The following SMO variants were observed in gnomAD, a reference collection of about 807,000 sequenced individuals.
SMO encodes smoothened, frizzled class receptor, also known as protein smoothened.
A neutral mutation model predicts 81.6 loss-of-function variants in SMO; 40 were observed. The ratio of observed to expected loss-of-function variants is 0.49; its 90% CI spans 0.38 to 0.64. SMO has a LOEUF of 0.64. SMO is among the 30% of genes least tolerant of loss of function. The probability of loss-of-function intolerance (pLI) is 0.00; values close to 1 mark genes in which losing one functional copy is unlikely to be tolerated. For synonymous variants in SMO, 434 were observed against 432.1 expected, an observed-to-expected ratio of 1.00 and a Z score of -0.05; for missense variants, 916 against 1,061.1, an observed-to-expected ratio of 0.86 and a Z score of 1.90.
chr7:129,201,120 T>C (rs892206012), intron 1 of SMO, among the ~76,000 whole-genome samples: 1 of 150,892 alleles, frequency 6.6e-6, no homozygotes, highest in Non-Finnish European at 1.5e-5. Context: ...CATCTCCGCT[T>C]ACTGCAACCT....
In SMO at chr7:129,211,474, C is replaced by T. The variant is rs1793868995; in HGVS notation, c.1802-162C>T. 3 of 826,384 alleles carry T rather than the reference C, an allele frequency of 3.6e-6. No individual in the cohort carries two copies. Among genetic ancestry groups the T allele is most frequent in the Non-Finnish European group, 6.1e-6 (3 of 493,384 alleles). The allele number at this position is 826,384 out of a possible 1,614,324, so 51.2% of individuals were successfully genotyped here. On this transcript the variant is annotated intron_variant, in intron 10 of 11. Coordinates refer to ENST00000249373, the MANE Select transcript of SMO (RefSeq NM_005631.5). This position sits in a 1 kb window ranked among gnomAD's most constrained non-coding sequence, Gnocchi z 4.6. ...TTTGGGGACGTGAGGCCCTTCTCTT[C>T]AGATTCTGAAGGGGTAGAGATCACC... is the stretch of plus-strand genomic sequence containing the variant.
At position 129,205,198 on chromosome 7, in the gene SMO, G is replaced by A. The variant is rs1232542554; in HGVS notation, c.538-5G>A. 3 of 1,613,822 alleles carry A rather than the reference G, an allele frequency of 1.9e-6. No individual in the cohort carries two copies. In the African/African-American group the frequency reaches 4.0e-5, roughly 22 times the overall value. On this transcript the variant is annotated splice_region_variant and splice_polypyrimidine_tract_variant and intron_variant, in intron 2 of 11. Transcript: ENST00000249373. ...GACACCGTCTTTTCCCATCCCTGGTGCCAGAATGAGGTGCAGAACATCAAG... is the reference window on the plus strand; with the variant it reads ...GACACCGTCTTTTCCCATCCCTGGTACCAGAATGAGGTGCAGAACATCAAG...
chr7:129,209,543 A>G lies in SMO; in HGVS notation c.1466+146A>G, dbSNP rs1793831192. The G allele has an allele frequency of 1.1e-5, 7 of 614,144 alleles. No homozygotes were observed. The South Asian group carries it at 1.4e-4, about 12-fold the overall frequency. The allele number at this position is 614,144 out of a possible 1,614,324, so 38.0% of individuals were successfully genotyped here. ...TGGATGGTGTCTGGGTGCATAAGGC[A>G]TCAGTCTCCGTAGTTTCTCAAACGT... On this transcript the variant is annotated intron_variant, in intron 8 of 11. Transcript: ENST00000249373.
intron 4 of SMO, among the ~76,000 whole-genome samples, 171 bp downstream of exon 4, chr7:129,205,953 AG>A (rs1262473791): frequency 6.6e-6 from 1 of 152,242 alleles, no homozygotes. Context: ...TTTCAGAATC[AG>A]GACCTTCATG....
In SMO at chr7:129,212,098, C is replaced by CGGAAGAAGAAGAGGAGGAAGA; in HGVS notation, c.2020_2040dup (p.Lys674_Lys680dup). On this transcript the variant is annotated inframe_insertion, in exon 12 of 12. Coordinates refer to ENST00000249373, the MANE Select transcript of SMO (RefSeq NM_005631.5). The surrounding 1 kb of genome is among the most constrained non-coding windows in gnomAD (Gnocchi z 5.0). Reference sequence around the variant, plus strand: ...CCCAGAGCTGCAGAAGCGCCTGGGCCGGAAGAAGAAGAGGAGGAAGAGGAA... The same window carrying CGGAAGAAGAAGAGGAGGAAGA: ...CCCAGAGCTGCAGAAGCGCCTGGGCCGGAAGAAGAAGAGGAGGAAGAGGAAGAAGAAGAGGAGGAAGAGGAA... 6.3e-7 allele frequency: 1 copy of CGGAAGAAGAAGAGGAGGAAGA among 1,578,872 alleles called. No homozygotes were observed. Among genetic ancestry groups the CGGAAGAAGAAGAGGAGGAAGA allele is most frequent in the East Asian group, 2.3e-5 (1 of 43,082 alleles).
At position 129,212,494 on chromosome 7, in the gene SMO, A is replaced by G. The variant is rs767910554; in HGVS notation, c.*43A>G. On this transcript the variant is annotated 3_prime_UTR_variant, in exon 12 of 12. Coordinates refer to ENST00000249373, the MANE Select transcript of SMO (RefSeq NM_005631.5). This position sits in a 1 kb window ranked among gnomAD's most constrained non-coding sequence, Gnocchi z 5.0. ...TGGGACAGGAAAGAGAGGAACCAAT[A>G]CCTTCAAGGCTCTTCTTCCTCACCG... 6.4e-7 allele frequency: 1 copy of G among 1,557,680 alleles called. No individual in the cohort carries two copies. Among genetic ancestry groups the G allele is most frequent in the South Asian group, 1.1e-5 (1 of 87,530 alleles).
chr7:129,206,245 G>A lies in SMO; in HGVS notation c.1016G>A (p.Trp339Ter). The A allele has an allele frequency of 6.2e-7, 1 of 1,614,146 alleles. No individual in the cohort carries two copies. Among genetic ancestry groups the A allele is most frequent in the Non-Finnish European group, 8.5e-7 (1 of 1,180,010 alleles). The change falls in exon 5 of 12, where the codon TGG (tryptophan) becomes TAG (stop). Residue 339 changes from tryptophan (W) to a stop codon, truncating the protein, a stop_gained. Coordinates refer to ENST00000249373, the MANE Select transcript of SMO (RefSeq NM_005631.5). LOFTEE classifies it high-confidence loss of function. This position sits in a 1 kb window ranked among gnomAD's most constrained non-coding sequence, Gnocchi z 4.4. ...TGGTTTGTGGTCCTCACCTATGCCT[G>A]GCACACTTCCTTCAAAGCCCTGGGC... ...VVWFVVLTYA[W>*]HTSFKALGTT...
In SMO at chr7:129,210,497, C is replaced by T. The variant is rs1793852134; in HGVS notation, c.1601C>T (p.Thr534Ile). Residue 534 changes from threonine (T) to isoleucine (I), a missense_variant, in exon 9 of 12, where the codon ACC becomes ATC. Thr to Ile is a moderately conservative substitution (Grantham distance 89). Transcript: ENST00000249373. This position sits in a 1 kb window ranked among gnomAD's most constrained non-coding sequence, Gnocchi z 4.7. ...TTTGGAACTGGCATCGCCATGAGCA[C>T]CTGGGTCTGGACCAAGGCCACGCTG... is the stretch of plus-strand genomic sequence containing the variant. The part of the protein sequence containing the change: ...AMFGTGIAMS[T>I]WVWTKATLLI... 1.2e-6 allele frequency: 2 copies of T among 1,614,196 alleles called. No homozygotes were observed. Among genetic ancestry groups the T allele is most frequent in the South Asian group, 1.1e-5 (1 of 91,080 alleles).
chr7:129,208,850 G>A lies in SMO; in HGVS notation c.1356G>A (p.Leu452=), dbSNP rs1239901810. 2 of 1,611,792 alleles carry A rather than the reference G, an allele frequency of 1.2e-6. No homozygotes were observed. Among genetic ancestry groups the A allele is most frequent in the Non-Finnish European group, 1.7e-6 (2 of 1,178,414 alleles). ...AGATCAACGAGACCATGCTGCGCCT[G>A]GGTGAGTGGCCCCGGGGGACTTCGG... ...ASKINETMLR[L]GIFGFLAFGF... Residue 452 remains leucine (L), a splice_region_variant and synonymous_variant, in exon 7 of 12, where the codon CTG becomes CTA. Transcript: ENST00000249373. The surrounding 1 kb of genome is among the most constrained non-coding windows in gnomAD (Gnocchi z 5.2).
Position 129,211,720 on chromosome 7 carries a change from G to A in SMO, c.1886G>A (p.Arg629Lys), listed in dbSNP as rs2150655706. 1.2e-6 allele frequency: 2 copies of A among 1,613,958 alleles called. No homozygotes were observed. Among genetic ancestry groups the A allele is most frequent in the Non-Finnish European group, 1.7e-6 (2 of 1,179,920 alleles). The change falls in exon 11 of 12, where the codon AGA (arginine) becomes AAA (lysine). Residue 629 changes from arginine (R) to lysine (K), a missense_variant. Arg to Lys is a conservative substitution (Grantham distance 26). Around this residue, in one of 4 missense-constraint regions of SMO, gnomAD observed 324 missense variants for 312.9 expected, o/e 1.04. Transcript: ENST00000249373. This position sits in a 1 kb window ranked among gnomAD's most constrained non-coding sequence, Gnocchi z 4.6. Reference protein sequence around the residue: ...AQHVTKMVARRGAILPQDISV... With the variant: ...AQHVTKMVARKGAILPQDISV... ...CATGTCACCAAGATGGTGGCTCGGA[G>A]AGGAGCCATACTGCCCCAGGATATT... is the stretch of plus-strand genomic sequence containing the variant.
chr7:129,197,622 T>C (rs894180807), intron 1 of SMO, among the ~76,000 whole-genome samples: 1 of 151,978 alleles, frequency 6.6e-6, no homozygotes, highest in Non-Finnish European at 1.5e-5. Context: ...AGAGACGGGG[T>C]TTCACCGTGT....
intron 1 of SMO, among the ~76,000 whole-genome samples, chr7:129,196,377 A>T (rs1793579488): frequency 6.7e-6 from 1 of 149,422 alleles, no homozygotes; most frequent in Admixed American, 6.7e-5. Flanking sequence ...ACAGGGTTTG[A>T]CCCTATTGTC....
chr7:129,207,866 C>T (rs1417924889), intron 6 of SMO, among the ~76,000 whole-genome samples: 1 of 147,688 alleles, frequency 6.8e-6, no homozygotes, highest in Non-Finnish European at 1.5e-5. Context: ...GCACTCCAGC[C>T]TGAGTGACAG....
intron 1 of SMO, among the ~76,000 whole-genome samples, chr7:129,200,013 ACTTTT>A (rs1793644483): frequency 1.3e-5 from 2 of 152,294 alleles, no homozygotes; most frequent in Admixed American, 1.3e-4. Flanking sequence ...TCAGTATCTT[ACTTTT>A]CTTATGATTT....
At position 129,211,143 on chromosome 7, in the gene SMO, G is replaced by T. The variant is rs1245599085; in HGVS notation, c.1801+30G>T. ...GCCTCACCCCTCCTCTACCGGAGCC[G>T]CCTGGCCCCGCGCTGCCCATGTGCT... On this transcript the variant is annotated intron_variant, in intron 10 of 11. Transcript: ENST00000249373. The surrounding 1 kb of genome is among the most constrained non-coding windows in gnomAD (Gnocchi z 4.6). 4 of 1,580,652 alleles carry T rather than the reference G, an allele frequency of 2.5e-6. No individual in the cohort carries two copies. The highest frequency in any genetic ancestry group is 2.6e-6 in the Non-Finnish European group (3 of 1,162,834).
chr7:129,208,998 G>T lies in SMO; in HGVS notation c.1357+147G>T. ...ACAAGGGGTGTGTGTAGGTGGTAGTGGTAGTGGCAGCTCAAAAGAAGGGGG... is the reference window on the plus strand; with the variant it reads ...ACAAGGGGTGTGTGTAGGTGGTAGTTGTAGTGGCAGCTCAAAAGAAGGGGG... On this transcript the variant is annotated intron_variant, in intron 7 of 11. Transcript: ENST00000249373. The surrounding 1 kb of genome is among the most constrained non-coding windows in gnomAD (Gnocchi z 5.2). The T allele has an allele frequency of 1.6e-6, 1 of 640,498 alleles. No homozygotes were observed. The highest frequency in any genetic ancestry group is 2.8e-6 in the Non-Finnish European group (1 of 355,814). 39.7% of individuals were successfully genotyped at this position (640,498 alleles called of 1,614,324 possible).
At chr7:129,205,848 A>C in intron 4 of SMO, 66 bp downstream of exon 4, 5 of 1,479,554 alleles carry the variant, frequency 3.4e-6, no homozygotes, top group East Asian at 2.3e-5. Context: ...GTTTACCCCA[A>C]AGGGAGCAGG....
At chr7:129,193,052 C>CT (rs1793502318) in intron 1 of SMO, among the ~76,000 whole-genome samples, 1 of 152,182 alleles carries the variant, frequency 6.6e-6, no homozygotes, top group Admixed American at 6.5e-5. Context: ...CTTAGCATCT[C>CT]TCCCCTTTAC....
In SMO at chr7:129,211,888, T is replaced by A. The variant is rs1563151943; in HGVS notation, c.1936+118T>A. 1 of 1,455,958 alleles carries A rather than the reference T, an allele frequency of 6.9e-7. No homozygotes were observed. The highest frequency in any genetic ancestry group is 9.5e-7 in the Non-Finnish European group (1 of 1,055,876). The allele number at this position is 1,455,958 out of a possible 1,614,324, so 90.2% of individuals were successfully genotyped here. A position where few individuals can be genotyped will look rare whatever the true frequency, so the allele number is the denominator to read the frequency against. ...AAGAGGAAGGAAAGGCCCCAGAGGATCTGAAGAGTGGGGCTGAGGCTCTAA... is the reference window on the plus strand; with the variant it reads ...AAGAGGAAGGAAAGGCCCCAGAGGAACTGAAGAGTGGGGCTGAGGCTCTAA... On this transcript the variant is annotated intron_variant, in intron 11 of 11. Coordinates refer to ENST00000249373, the MANE Select transcript of SMO (RefSeq NM_005631.5). This position sits in a 1 kb window ranked among gnomAD's most constrained non-coding sequence, Gnocchi z 4.6.
Sources: allele counts gnomAD v4.1 joint callset (sites outside exome capture counted in the v4.1 genomes callset), GRCh38; gene constraint gnomAD v4.1.1; regional missense constraint gnomAD v4.1.1; non-coding constraint Gnocchi (gnomAD v3.1); transcripts MANE v1.5; gene names NCBI Gene and HGNC (gene_info 2026-07-23, HGNC 2026-07-21).